Variants in SPATA16 observed in about 807,000 individuals in gnomAD.
SPATA16 encodes spermatogenesis associated 16.
Under a neutral mutation model 63.3 loss-of-function variants are expected in SPATA16, and 36 were observed. The ratio of observed to expected loss-of-function variants is 0.57; its 90% confidence interval spans 0.44 to 0.75. The LOEUF (loss-of-function observed/expected upper bound fraction) is 0.75. Ranked by LOEUF, SPATA16 falls within the 30% of genes least tolerant of loss-of-function variation. SPATA16 has a pLI of 0.00. For missense variants in SPATA16, 646 were observed against 679.3 expected (o/e 0.95, Z 0.54); for synonymous variants, 203 against 216.7 (o/e 0.94, Z 0.56).
intron 3 of SPATA16, among the ~76,000 whole-genome samples, chr3:173,033,336 G>C (rs1238653405): frequency 6.6e-6 from 1 of 152,004 alleles, no homozygotes; most frequent in Non-Finnish European, 1.5e-5. Context: ...GAGTCTGTCT[G>C]GTAAAAGCTG....
chr3:172,957,488 C>T (rs2108235272), intron 5 of SPATA16, among the ~76,000 whole-genome samples: 1 of 152,234 alleles, frequency 6.6e-6, no homozygotes, highest in Non-Finnish European at 1.5e-5. Flanking sequence ...TAAATAGGTC[C>T]ATTACTATTT....
intron 6 of SPATA16, among the ~76,000 whole-genome samples, chr3:172,943,344 C>T (rs1216547437): frequency 6.6e-6 from 1 of 152,156 alleles, no homozygotes; most frequent in East Asian, 1.9e-4. Context: ...TTAAATGGAA[C>T]AACATGTAAA....
intron 4 of SPATA16, among the ~76,000 whole-genome samples, chr3:173,016,678 C>G (rs1159744857): frequency 6.6e-6 from 1 of 152,052 alleles, no homozygotes. Context: ...TGTAAGAGGC[C>G]TGAATCAAAC....
Position 173,097,304 on chromosome 3 carries a change from T to C in SPATA16, c.612+19816A>G, listed in dbSNP as rs141889825. On this transcript the variant is annotated intron_variant, in intron 2 of 10. Coordinates refer to ENST00000351008, the MANE Select transcript of SPATA16 (RefSeq NM_031955.6). Reference sequence around the variant, plus strand: ...TGGCCTCAAAGTGCAAGAGTAGTGATGCTTGCAATTCAGGTATGCCAAAGA... The same window carrying C: ...TGGCCTCAAAGTGCAAGAGTAGTGACGCTTGCAATTCAGGTATGCCAAAGA... Among the ~76,000 whole-genome samples the C allele has an allele frequency of 2.9e-3, 447 of 152,302 alleles. 7 individuals are homozygous for C. The highest frequency in any genetic ancestry group is 0.01 in the African/African-American group (424 of 41,576).
At chr3:172,937,537 A>G (rs188096729) in intron 6 of SPATA16, among the ~76,000 whole-genome samples, 39 of 152,352 alleles carry the variant, frequency 2.6e-4, no homozygotes, top group Middle Eastern at 3.4e-3. Context: ...AGTTGAGCTG[A>G]ACTTCAGTCA....
chr3:173,074,542 C>T (rs1014943641), intron 2 of SPATA16, among the ~76,000 whole-genome samples: 41 of 152,270 alleles, frequency 2.7e-4, no homozygotes, highest in African/African-American at 8.9e-4. Context: ...CCATGTAAGA[C>T]GTGCCTTTTG....
At chr3:173,069,254 A>C (rs1736609272) in intron 2 of SPATA16, among the ~76,000 whole-genome samples, 1 of 152,146 alleles carries the variant, frequency 6.6e-6, no homozygotes, top group Non-Finnish European at 1.5e-5. Flanking sequence ...AGACTAAGAA[A>C]AAAAGAAAGA....
intron 2 of SPATA16, among the ~76,000 whole-genome samples, chr3:173,076,854 C>T (rs1459096896): frequency 6.6e-6 from 1 of 152,096 alleles, no homozygotes; most frequent in Non-Finnish European, 1.5e-5. Flanking sequence ...CTGTAGTGAA[C>T]TCTGATCCTT....
At chr3:173,104,286 C>T (rs140634691) in intron 2 of SPATA16, among the ~76,000 whole-genome samples, 122 of 152,324 alleles carry the variant, frequency 8.0e-4, no homozygotes, top group Middle Eastern at 6.8e-3. Flanking sequence ...GCTCATTACC[C>T]GGTTCCAAAG....
At chr3:172,937,729 G>T (rs1327453376) in intron 6 of SPATA16, among the ~76,000 whole-genome samples, 1 of 152,140 alleles carries the variant, frequency 6.6e-6, no homozygotes, top group Non-Finnish European at 1.5e-5. Context: ...TTGTAGATCA[G>T]TGTCATCAGC....
At chr3:172,912,046 T>A (rs1039051117) in intron 10 of SPATA16, among the ~76,000 whole-genome samples, 1 of 152,256 alleles carries the variant, frequency 6.6e-6, no homozygotes, top group Non-Finnish European at 1.5e-5. Flanking sequence ...CTCCTGCCTC[T>A]GCACTTCATT....
intron 3 of SPATA16, among the ~76,000 whole-genome samples, chr3:173,037,411 A>G (rs1309285398): frequency 1.3e-5 from 2 of 152,106 alleles, no homozygotes; most frequent in Non-Finnish European, 2.9e-5. Flanking sequence ...ATAAGGTTAA[A>G]TGCAGAGTGA....
chr3:172,889,598 T>C lies in SPATA16; in HGVS notation c.1682A>G (p.Lys561Arg), dbSNP rs1731852867. ...RTARRQKTKM[K>R]RLQTVQQR ...CCTTTGCTGAACAGTTTGAAGTCGC[T>C]TCATTTTTGTTTTTTGCCTTCGAGC... Residue 561 changes from lysine (K) to arginine (R), a missense_variant, in exon 11 of 11, where the codon AAG (lysine) becomes AGG (arginine). Lys to Arg is a conservative substitution (Grantham distance 26). Coordinates refer to ENST00000351008, the MANE Select transcript of SPATA16 (RefSeq NM_031955.6). 2.5e-6 allele frequency: 4 copies of C among 1,613,846 alleles called. No homozygotes were observed. In the South Asian group the frequency reaches 4.4e-5, roughly 18 times the overall value.
At chr3:172,967,272 G>T (rs1733937913) in intron 5 of SPATA16, among the ~76,000 whole-genome samples, 1 of 152,068 alleles carries the variant, frequency 6.6e-6, no homozygotes, top group South Asian at 2.1e-4. Context: ...AAACCCAAAA[G>T]CTTTTTAGGA....
intron 3 of SPATA16, among the ~76,000 whole-genome samples, chr3:173,028,034 C>T (rs1181517013): frequency 2.3e-4 from 18 of 79,626 alleles, no homozygotes; most frequent in African/African-American, 1.0e-3. Context: ...TTCCTTCCTT[C>T]CTTCCTTCCT....
intron 4 of SPATA16, among the ~76,000 whole-genome samples, chr3:173,015,114 A>G (rs1203527344): frequency 1.4e-5 from 2 of 142,778 alleles, no homozygotes; most frequent in Non-Finnish European, 3.0e-5. Flanking sequence ...CCCAGGCTGG[A>G]CTGCAATGGC....
chr3:172,962,730 A>AAAGG, intron 5 of SPATA16, among the ~76,000 whole-genome samples: 1 of 150,408 alleles, frequency 6.6e-6, no homozygotes, highest in South Asian at 2.1e-4. Context: ...TATTAAATTC[A>AAAGG]AAGGAAGCAG....
chr3:173,131,151 T>C (rs1738373929), intron 1 of SPATA16, among the ~76,000 whole-genome samples: 1 of 152,114 alleles, frequency 6.6e-6, no homozygotes, highest in Admixed American at 6.5e-5. Flanking sequence ...AAAGAACTGC[T>C]TGGAAAAAAA....
chr3:173,001,814 T>C (rs552539020), intron 4 of SPATA16, among the ~76,000 whole-genome samples: 1 of 152,332 alleles, frequency 6.6e-6, no homozygotes, highest in East Asian at 1.9e-4. Flanking sequence ...GATGTTGATT[T>C]TTTCTGTTTG....
Sources: gnomAD v4.1 joint callset for allele counts (sites outside exome capture counted in the v4.1 genomes callset) on GRCh38, gnomAD v4.1.1 for gene constraint, MANE v1.5 for transcripts, NCBI Gene and HGNC (gene_info 2026-07-23, HGNC 2026-07-21) for gene names.